GRIK2: variants seen among roughly 807,000 people sequenced by gnomAD.
GRIK2 encodes glutamate ionotropic receptor kainate type subunit 2, also known as glutamate receptor ionotropic, kainate 2.
In GRIK2, 32 loss-of-function variants were observed where a neutral mutation model predicts 100.3. The observed-to-expected ratio is 0.32, with a 90% CI of 0.24 to 0.43. GRIK2 has a LOEUF of 0.43. Ranked by LOEUF, GRIK2 falls within the 20% of genes least tolerant of loss-of-function variation. GRIK2 has a pLI of 1.00. For missense variants in GRIK2, 843 were observed against 1,114.9 expected, an observed-to-expected ratio of 0.76 and a Z score of 3.47; for synonymous variants, 417 against 389.4, an observed-to-expected ratio of 1.07 and a Z score of -0.83.
chr6:101,832,687 T>C (rs1782781269), intron 10 of GRIK2, among the ~76,000 whole-genome samples: 1 of 152,216 alleles, frequency 6.6e-6, no homozygotes, highest in South Asian at 2.1e-4. Context: ...AAAGTTTGCC[T>C]GCATTAAGAG....
intron 7 of GRIK2, among the ~76,000 whole-genome samples, chr6:101,765,456 A>T (rs1161072133): frequency 1.3e-5 from 2 of 152,098 alleles, no homozygotes; most frequent in Non-Finnish European, 2.9e-5. Context: ...ATATATAAAT[A>T]ACAATGATAA....
chr6:101,977,943 A>C (rs976984433), intron 14 of GRIK2, among the ~76,000 whole-genome samples: 1 of 151,980 alleles, frequency 6.6e-6, no homozygotes, highest in Non-Finnish European at 1.5e-5. Flanking sequence ...GGACTGAACA[A>C]AGTTATTCTT....
chr6:102,061,756 A>T (rs922237239), intron 16 of GRIK2, among the ~76,000 whole-genome samples: 1 of 150,596 alleles, frequency 6.6e-6, no homozygotes, highest in Non-Finnish European at 1.5e-5. Context: ...GATAGTTAAT[A>T]TACATAGAGG....
intron 2 of GRIK2, among the ~76,000 whole-genome samples, chr6:101,470,499 C>T (rs902682494): frequency 1.3e-5 from 2 of 152,160 alleles, no homozygotes; most frequent in Non-Finnish European, 2.9e-5. Context: ...AAATGCCTGT[C>T]TCCTCTTCTG....
intron 2 of GRIK2, chr6:101,620,145 T>C (rs1289737616): frequency 2.0e-5 from 7 of 356,394 alleles, no homozygotes; most frequent in Non-Finnish European, 2.7e-5. Context: ...ATTATACAGA[T>C]AGCAATTGGC....
intron 11 of GRIK2, among the ~76,000 whole-genome samples, chr6:101,862,489 C>G (rs1308803132): frequency 2.0e-5 from 3 of 152,044 alleles, no homozygotes; most frequent in Non-Finnish European, 4.4e-5. Flanking sequence ...GGTTCAGTGG[C>G]ATAATCATAG....
intron 7 of GRIK2, among the ~76,000 whole-genome samples, chr6:101,796,971 G>T (rs981173684): frequency 2.2e-4 from 34 of 152,026 alleles, no homozygotes; most frequent in African/African-American, 8.2e-4. Context: ...TACCAGAAAA[G>T]ATTTTTTGAT....
chr6:101,455,925 G>A (rs1047622298), intron 2 of GRIK2, among the ~76,000 whole-genome samples: 6 of 152,034 alleles, frequency 3.9e-5, no homozygotes, highest in Non-Finnish European at 5.9e-5. Flanking sequence ...ATAAGCACAA[G>A]TTCTGCTTAT....
chr6:102,033,391 C>T (rs557911360), intron 14 of GRIK2, among the ~76,000 whole-genome samples: 1 of 151,434 alleles, frequency 6.6e-6, no homozygotes, highest in African/African-American at 2.4e-5. Flanking sequence ...CTCTTGCTTC[C>T]TCTCCAGAGA....
chr6:101,746,235 C>G (rs112560112), intron 7 of GRIK2, among the ~76,000 whole-genome samples: 3 of 152,164 alleles, frequency 2.0e-5, no homozygotes, highest in Admixed American at 6.5e-5. Context: ...GAATAGTCAT[C>G]TATTTTAATC....
At chr6:101,698,045 C>T (rs118018475) in intron 7 of GRIK2, among the ~76,000 whole-genome samples, 2 of 152,062 alleles carry the variant, frequency 1.3e-5, no homozygotes, top group Non-Finnish European at 2.9e-5. Flanking sequence ...AATAAGAATG[C>T]AACTGTGTAA....
At chr6:101,807,946 A>G (rs1452159882) in intron 9 of GRIK2, among the ~76,000 whole-genome samples, 1 of 152,068 alleles carries the variant, frequency 6.6e-6, no homozygotes, top group Non-Finnish European at 1.5e-5. Context: ...AGCAGGAAAA[A>G]TTTACTTGTG....
In GRIK2 at chr6:102,006,390, A is replaced by ATATATTTTTTTTT. The variant is rs1315524835; in HGVS notation, c.2086-28950_2086-28949insATATTTTTTTTTT. Among the ~76,000 whole-genome samples, 37 of 114,090 alleles carry ATATATTTTTTTTT rather than the reference A, an allele frequency of 3.2e-4. 1 individual carries two copies. The highest frequency in any genetic ancestry group is 1.6e-3 in the African/African-American group (34 of 21,906). 74.8% of individuals were successfully genotyped at this position (114,090 alleles called of 152,430 possible). A position where few individuals can be genotyped will look rare whatever the true frequency, so the allele number is the denominator to read the frequency against. On this transcript the variant is annotated intron_variant, in intron 14 of 16. Coordinates refer to ENST00000369134, the MANE Select transcript of GRIK2 (RefSeq NM_021956.5). ...CTTTTATATATATATATATATATAT[A>ATATATTTTTTTTT]TTTTTTTTTTTTTTGAGACATACAG...
intron 2 of GRIK2, among the ~76,000 whole-genome samples, chr6:101,612,413 A>T (rs566841515): frequency 6.6e-6 from 1 of 151,988 alleles, no homozygotes; most frequent in East Asian, 1.9e-4. Flanking sequence ...ACTTTTTATT[A>T]ATGTTTGTAA....
At chr6:101,405,444 T>C (rs1371695220) in intron 2 of GRIK2, among the ~76,000 whole-genome samples, 2 of 152,186 alleles carry the variant, frequency 1.3e-5, no homozygotes, top group Non-Finnish European at 2.9e-5. Flanking sequence ...ATAAATTCTC[T>C]ATGTTCTATA....
chr6:101,486,966 C>T lies in GRIK2; in HGVS notation c.115+87574C>T, dbSNP rs1230940906. 1.4e-5 allele frequency among the ~76,000 whole-genome samples: 2 copies of T among 146,642 alleles called. 1 individual carries two copies. Among genetic ancestry groups the T allele is most frequent in the African/African-American group, 5.2e-5 (2 of 38,360 alleles). On this transcript the variant is annotated intron_variant, in intron 2 of 16. Transcript: ENST00000369134. ...CGGGAACTATGGACAGCACTATTAT[C>T]AGGCAATATTTGTCTTTAACTCATG...
At chr6:102,020,531 G>A (rs1010397819) in intron 14 of GRIK2, among the ~76,000 whole-genome samples, 6 of 151,780 alleles carry the variant, frequency 4.0e-5, no homozygotes, top group Admixed American at 6.6e-5. Context: ...ATCCCTTGCC[G>A]GATGATGAAG....
chr6:101,591,672 C>G (rs1350670149), intron 2 of GRIK2, among the ~76,000 whole-genome samples: 1 of 151,906 alleles, frequency 6.6e-6, no homozygotes, highest in Non-Finnish European at 1.5e-5. Flanking sequence ...AAGAAATGTA[C>G]TGTTAACATA....
At chr6:101,500,145 C>A (rs887016971) in intron 2 of GRIK2, among the ~76,000 whole-genome samples, 3 of 151,822 alleles carry the variant, frequency 2.0e-5, no homozygotes, top group Admixed American at 6.6e-5. Context: ...GGATTAAAGG[C>A]CTTAAAGTAA....
Sources: allele counts gnomAD v4.1 joint callset (sites outside exome capture counted in the v4.1 genomes callset), GRCh38; gene constraint gnomAD v4.1.1; transcripts MANE v1.5; gene names NCBI Gene and HGNC (gene_info 2026-07-23, HGNC 2026-07-21).